Variants in WDFY3 observed in about 807,000 individuals in gnomAD.
WDFY3 encodes the protein WD repeat and FYVE domain containing 3.
A neutral mutation model predicts 409.6 loss-of-function variants in WDFY3; 66 were observed. That is an observed-to-expected ratio of 0.16 (90% CI 0.13 to 0.20). The LOEUF is 0.20. WDFY3 is among the 10% of genes least tolerant of loss of function. The pLI, the probability that WDFY3 is intolerant of heterozygous loss-of-function variation, is 1.00. For synonymous variants in WDFY3, 1,521 were observed against 1,537.1 expected (o/e 0.99, Z 0.25); for missense variants, 3,031 against 4,298.1 (o/e 0.71, Z 8.24).
chr4:84,830,596 G>T (rs1755567670), intron 8 of WDFY3, among the ~76,000 whole-genome samples: 1 of 152,172 alleles, frequency 6.6e-6, no homozygotes, highest in East Asian at 1.9e-4. Flanking sequence ...GATTGCTTGA[G>T]ATGCTAAGGC....
rs1725172585 is a variant in WDFY3, at chr4:84,669,603, G to A, written c.*3265C>T. 1 of 146,946 alleles carries A rather than the reference G, an allele frequency of 6.8e-6. No homozygotes were observed. Among genetic ancestry groups the A allele is most frequent in the Non-Finnish European group, 1.5e-5 (1 of 66,544 alleles). 9.1% of individuals were successfully genotyped at this position (146,946 alleles called of 1,614,324 possible). A position where few individuals can be genotyped will look rare whatever the true frequency, so the allele number is the denominator to read the frequency against. ...GAAAAAAAAATTACTTAAGTACCTG[G>A]ACTATTGCATTTAATCATGTATTGT... is the stretch of plus-strand genomic sequence containing the variant. On this transcript the variant is annotated 3_prime_UTR_variant, in exon 68 of 68. Coordinates refer to ENST00000295888, the MANE Select transcript of WDFY3 (RefSeq NM_014991.6).
At chr4:84,840,773 G>A (rs1367714573) in intron 6 of WDFY3, among the ~76,000 whole-genome samples, 2 of 150,722 alleles carry the variant, frequency 1.3e-5, no homozygotes, top group South Asian at 2.1e-4. Context: ...AGAGATTGGG[G>A]TCTCTCTATG....
intron 4 of WDFY3, among the ~76,000 whole-genome samples, chr4:84,852,074 T>C (rs557416793): frequency 6.6e-6 from 1 of 152,310 alleles, no homozygotes; most frequent in Non-Finnish European, 1.5e-5. Context: ...AGGAAGGACT[T>C]CTCTCTGGCA....
chr4:84,736,994 TAAAA>T (rs200364139), intron 41 of WDFY3, among the ~76,000 whole-genome samples, 186 bp downstream of exon 41: 1 of 114,544 alleles, frequency 8.7e-6, no homozygotes. Context: ...CCTCAGATGC[TAAAA>T]AAAAAAAAAA....
intron 35 of WDFY3, among the ~76,000 whole-genome samples, chr4:84,753,487 T>A (rs1312472433): frequency 1.3e-5 from 2 of 152,166 alleles, no homozygotes; most frequent in African/African-American, 4.8e-5. Context: ...GAAGTAGAGT[T>A]CACTGTGATT....
chr4:84,894,595 T>C (rs1204313990), intron 3 of WDFY3, among the ~76,000 whole-genome samples: 1 of 152,092 alleles, frequency 6.6e-6, no homozygotes, highest in Non-Finnish European at 1.5e-5. Flanking sequence ...GAGAGCAGCC[T>C]GGCCAACATA....
chr4:84,728,098 G>A (rs896277370), intron 44 of WDFY3, among the ~76,000 whole-genome samples: 1 of 151,846 alleles, frequency 6.6e-6, no homozygotes, highest in African/African-American at 2.4e-5. Flanking sequence ...ATATTTCAAT[G>A]TATATAAAAT....
At chr4:84,788,878 C>A (rs1221672324) in intron 22 of WDFY3, among the ~76,000 whole-genome samples, 1 of 151,874 alleles carries the variant, frequency 6.6e-6, no homozygotes, top group Non-Finnish European at 1.5e-5. Context: ...AAATTAGCCA[C>A]GTGTGGTGGC....
At chr4:84,765,003 C>T (rs1430005519) in intron 32 of WDFY3, among the ~76,000 whole-genome samples, 1 of 151,964 alleles carries the variant, frequency 6.6e-6, no homozygotes. Context: ...CCCTATTTTT[C>T]CCATCGGACC....
In WDFY3 at chr4:84,966,622, C is replaced by T. The variant is rs963916603; in HGVS notation, c.-639G>A. Among the ~76,000 whole-genome samples the T allele has an allele frequency of 1.3e-5, 2 of 152,028 alleles. No homozygotes were observed. The highest frequency in any genetic ancestry group is 2.9e-5 in the Non-Finnish European group (2 of 67,972). ...GAAAGTGAGGGGTTGTTGCCGTTTC[C>T]CGCAGCTGTTGGTGGCCATCTTTAA... On this transcript the variant is annotated 5_prime_UTR_variant, in exon 1 of 68. Coordinates refer to ENST00000295888, the MANE Select transcript of WDFY3 (RefSeq NM_014991.6).
chr4:84,736,679 C>T (rs1013443257), intron 41 of WDFY3, among the ~76,000 whole-genome samples: 2 of 152,004 alleles, frequency 1.3e-5, no homozygotes, highest in Non-Finnish European at 2.9e-5. Context: ...TTTTAAAAGG[C>T]TATACAGCTT....
intron 3 of WDFY3, among the ~76,000 whole-genome samples, chr4:84,883,654 G>A (rs1052356649): frequency 6.6e-6 from 1 of 152,094 alleles, no homozygotes; most frequent in Non-Finnish European, 1.5e-5. Flanking sequence ...ATACCTAGCT[G>A]TTATTTTCAT....
chr4:84,847,165 C>G (rs2150079334), intron 5 of WDFY3, among the ~76,000 whole-genome samples: 1 of 152,104 alleles, frequency 6.6e-6, no homozygotes. Flanking sequence ...TTCCAAAGTG[C>G]TGAGTCAGGC....
chr4:84,882,231 G>T (rs1053934210), intron 3 of WDFY3, among the ~76,000 whole-genome samples: 2 of 152,222 alleles, frequency 1.3e-5, no homozygotes, highest in Admixed American at 1.3e-4. Flanking sequence ...TCCCATTTGA[G>T]GCTATTTCTC....
chr4:84,890,180 T>C (rs1764751635), intron 3 of WDFY3, among the ~76,000 whole-genome samples: 1 of 152,064 alleles, frequency 6.6e-6, no homozygotes, highest in Admixed American at 6.6e-5. Context: ...GCTCACTTCA[T>C]CCTCAATCTT....
intron 2 of WDFY3, among the ~76,000 whole-genome samples, chr4:84,923,298 C>G (rs984890806): frequency 1.3e-5 from 2 of 152,132 alleles, no homozygotes; most frequent in Non-Finnish European, 2.9e-5. Flanking sequence ...AAAGATGAGG[C>G]CAAAGGAAAT....
At chr4:84,907,547 C>T (rs1455708168) in intron 2 of WDFY3, among the ~76,000 whole-genome samples, 1 of 152,176 alleles carries the variant, frequency 6.6e-6, no homozygotes, top group African/African-American at 2.4e-5. Context: ...CTTTAGATAG[C>T]TACTGCCAAC....
rs769802799 is a variant in WDFY3, at chr4:84,679,071, C to T, written c.9995G>A (p.Arg3332Lys). The T allele has an allele frequency of 6.2e-7, 1 of 1,614,102 alleles. No homozygotes were observed. Among genetic ancestry groups the T allele is most frequent in the Non-Finnish European group, 8.5e-7 (1 of 1,180,052 alleles). Reference protein sequence around the residue: ...WCTDSGSDDSRRWSDQLSLDE... With the variant: ...WCTDSGSDDSKRWSDQLSLDE... The stretch of plus-strand genomic sequence containing the variant: ...TAGACTGAGCTGGTCGGACCAGCGT[C>T]TGGAGTCGTCAGAGCCACTGTCAGT... The change falls in exon 65 of 68, where the codon AGA becomes AAA. Residue 3332 changes from arginine (R) to lysine (K), a missense_variant. Coordinates refer to ENST00000295888, the MANE Select transcript of WDFY3 (RefSeq NM_014991.6).
At chr4:84,820,259 T>A in intron 11 of WDFY3, 73 bp from the exon 12 acceptor site, 2 of 1,228,910 alleles carry the variant, frequency 1.6e-6, no homozygotes, top group Non-Finnish European at 2.3e-6. Context: ...TTTACTGTAA[T>A]AATTTCTTTA....
Sources: gnomAD v4.1 joint callset for allele counts (sites outside exome capture counted in the v4.1 genomes callset) on GRCh38, gnomAD v4.1.1 for gene constraint, MANE v1.5 for transcripts, NCBI Gene and HGNC (gene_info 2026-07-23, HGNC 2026-07-21) for gene names.